Variants in FARS2 observed in about 807,000 individuals in gnomAD.
FARS2 encodes the protein phenylalanine--tRNA ligase, mitochondrial.
FARS2 carries 40 observed loss-of-function variants against 46.4 expected under a neutral mutation model. The observed-to-expected ratio is 0.86, with a 90% CI of 0.67 to 1.12. FARS2 has a LOEUF of 1.12. Ranked by LOEUF, FARS2 falls within the 50% of genes most tolerant of loss-of-function variation. The pLI is 0.00. For missense variants in FARS2, 513 were observed against 567.9 expected, an observed-to-expected ratio of 0.90 and a Z score of 0.98; for synonymous variants, 234 against 214.9, an observed-to-expected ratio of 1.09 and a Z score of -0.78.
chr6:5,755,598 T>G, intron 6 of FARS2, among the ~76,000 whole-genome samples: 1 of 152,260 alleles, frequency 6.6e-6, no homozygotes, highest in East Asian at 1.9e-4. Flanking sequence ...TTCAATCATT[T>G]AAGTACTTTT....
chr6:5,341,221 A>T (rs1474044820), intron 1 of FARS2, among the ~76,000 whole-genome samples: 1 of 4,984 alleles, frequency 2.0e-4, no homozygotes, highest in African/African-American at 8.0e-4. Context: ...ATATATATAT[A>T]TATATATATA....
At chr6:5,708,802 AG>A (rs1758924674) in intron 6 of FARS2, among the ~76,000 whole-genome samples, 2 of 152,152 alleles carry the variant, frequency 1.3e-5, no homozygotes, top group Non-Finnish European at 2.9e-5. Context: ...CTGGGACTAC[AG>A]GCATACACCA....
At chr6:5,743,103 G>GT (rs1561833476) in intron 6 of FARS2, among the ~76,000 whole-genome samples, 2 of 152,132 alleles carry the variant, frequency 1.3e-5, no homozygotes, top group Non-Finnish European at 2.9e-5. Flanking sequence ...CTATGTCCAG[G>GT]TATTTGAATT....
chr6:5,338,883 T>C (rs1369860910), intron 1 of FARS2, among the ~76,000 whole-genome samples: 1 of 152,128 alleles, frequency 6.6e-6, no homozygotes, highest in Non-Finnish European at 1.5e-5. Context: ...TCCTGTACAG[T>C]CCCCAGATTT....
intron 4 of FARS2, among the ~76,000 whole-genome samples, chr6:5,541,768 A>G (rs1425029952): frequency 6.6e-6 from 1 of 152,230 alleles, no homozygotes; most frequent in Admixed American, 6.5e-5. Context: ...TAAAGAAACA[A>G]AAGAATGGCT....
intron 1 of FARS2, among the ~76,000 whole-genome samples, chr6:5,288,316 G>A (rs1767268038): frequency 6.6e-6 from 1 of 152,094 alleles, no homozygotes; most frequent in Non-Finnish European, 1.5e-5. Flanking sequence ...TTATTACAAA[G>A]CAAATACCCT....
intron 4 of FARS2, among the ~76,000 whole-genome samples, chr6:5,433,242 G>C (rs1763333060): frequency 6.6e-6 from 1 of 152,116 alleles, no homozygotes; most frequent in Non-Finnish European, 1.5e-5. Flanking sequence ...TGGGTGCAAG[G>C]ATACACCCTC....
At chr6:5,524,337 T>C (rs1251554874) in intron 4 of FARS2, among the ~76,000 whole-genome samples, 3 of 152,220 alleles carry the variant, frequency 2.0e-5, no homozygotes, top group Non-Finnish European at 4.4e-5. Flanking sequence ...CAGAGTGAGC[T>C]GGTCATGTAG....
chr6:5,728,093 A>G (rs1760380252), intron 6 of FARS2, among the ~76,000 whole-genome samples: 2 of 152,232 alleles, frequency 1.3e-5, no homozygotes, highest in South Asian at 4.1e-4. Flanking sequence ...GAACATTTGC[A>G]AATTGGTCAT....
chr6:5,609,272 G>T, intron 5 of FARS2: 1 of 1,041,770 alleles, frequency 9.6e-7, no homozygotes, highest in Non-Finnish European at 1.5e-6. Flanking sequence ...TACTGGAACT[G>T]CCCTAGCCAC....
At chr6:5,505,187 T>C (rs1038915175) in intron 4 of FARS2, among the ~76,000 whole-genome samples, 1 of 152,236 alleles carries the variant, frequency 6.6e-6, no homozygotes, top group African/African-American at 2.4e-5. Flanking sequence ...TTTGTGAATC[T>C]TTAGGTTTAA....
In FARS2 at chr6:5,635,091, G is replaced by A. The variant is rs865870981; in HGVS notation, c.1217+21771G>A. ...GAGCAAGTTACTCACCTCTCTAAGC[G>A]TCAATTTCTTATCTTTGGGTTTAAC... On this transcript the variant is annotated intron_variant, in intron 6 of 6. Coordinates refer to ENST00000274680, the MANE Select transcript of FARS2 (RefSeq NM_006567.5). Among the ~76,000 whole-genome samples the A allele has an allele frequency of 3.0e-4, 46 of 152,154 alleles. 1 individual carries two copies. The highest frequency in any genetic ancestry group is 1.0e-3 in the African/African-American group (42 of 41,428).
In FARS2 at chr6:5,481,024, C is replaced by G. The variant is rs1031596406; in HGVS notation, c.904+49852C>G. Among the ~76,000 whole-genome samples, 3 of 152,252 alleles carry G rather than the reference C, an allele frequency of 2.0e-5. No homozygotes were observed. The East Asian group carries it at 5.8e-4, about 29-fold the overall frequency. ...TTAAAAATGAAAGCACTCTTTAAAA[C>G]AGTCTTTGCAGTTAGCCTGCAGCAC... On this transcript the variant is annotated intron_variant, in intron 4 of 6. Transcript: ENST00000274680.
chr6:5,386,606 A>T (rs544108576), intron 2 of FARS2, among the ~76,000 whole-genome samples: 1 of 152,322 alleles, frequency 6.6e-6, no homozygotes, highest in Non-Finnish European at 1.5e-5. Flanking sequence ...GGGATGATCG[A>T]TAAGAAAGGA....
At chr6:5,614,542 T>C (rs1252694660) in intron 6 of FARS2, among the ~76,000 whole-genome samples, 1 of 152,092 alleles carries the variant, frequency 6.6e-6, no homozygotes, top group African/African-American at 2.4e-5. Context: ...CCTGAGTAGC[T>C]GGGACTACAG....
At chr6:5,683,338 G>A (rs1419792462) in intron 6 of FARS2, among the ~76,000 whole-genome samples, 1 of 152,178 alleles carries the variant, frequency 6.6e-6, no homozygotes, top group African/African-American at 2.4e-5. Flanking sequence ...TTGGGACTAA[G>A]TGAGCAGGTG....
At chr6:5,652,615 G>A (rs895296723) in intron 6 of FARS2, among the ~76,000 whole-genome samples, 5 of 152,306 alleles carry the variant, frequency 3.3e-5, no homozygotes, top group Middle Eastern at 3.4e-3. Flanking sequence ...TTCATTTCTC[G>A]CTTGCCAACT....
intron 6 of FARS2, among the ~76,000 whole-genome samples, chr6:5,753,579 C>T (rs1762060295): frequency 6.6e-6 from 1 of 152,188 alleles, no homozygotes; most frequent in African/African-American, 2.4e-5. Flanking sequence ...TGCCACCTAT[C>T]ACCTCCCCAT....
chr6:5,510,635 G>A (rs1321331585), intron 4 of FARS2, among the ~76,000 whole-genome samples: 1 of 152,192 alleles, frequency 6.6e-6, no homozygotes, highest in Admixed American at 6.5e-5. Flanking sequence ...CCCTGGACCT[G>A]CTAGAGAGCT....
Sources: gnomAD v4.1 joint callset for allele counts (sites outside exome capture counted in the v4.1 genomes callset) on GRCh38, gnomAD v4.1.1 for gene constraint, MANE v1.5 for transcripts, NCBI Gene and HGNC (gene_info 2026-07-23, HGNC 2026-07-21) for gene names.